CADPS: variants seen among roughly 807,000 people sequenced by gnomAD.
The protein encoded by CADPS is calcium-dependent secretion activator 1.
Under a neutral mutation model 167.3 loss-of-function variants are expected in CADPS, and 57 were observed. The observed-to-expected ratio is 0.34, with a 90% CI of 0.28 to 0.42. The LOEUF is 0.42. Ranked by LOEUF, CADPS falls within the 20% of genes least tolerant of loss-of-function variation. The probability of loss-of-function intolerance (pLI) is 1.00; values close to 1 mark genes in which losing one functional copy is unlikely to be tolerated. For missense variants in CADPS, 1,414 were observed against 1,738.1 expected (o/e 0.81, Z 3.32); for synonymous variants, 676 against 635.3 (o/e 1.06, Z -0.96).
intron 3 of CADPS, among the ~76,000 whole-genome samples, chr3:62,670,695 C>T: frequency 6.6e-6 from 1 of 151,952 alleles, no homozygotes; most frequent in Non-Finnish European, 1.5e-5. Context: ...AAAAAAAACC[C>T]AAACAGAAAA....
chr3:62,540,743 G>A (rs922002994), intron 11 of CADPS, among the ~76,000 whole-genome samples: 7 of 152,082 alleles, frequency 4.6e-5, no homozygotes, highest in South Asian at 2.1e-4. Flanking sequence ...ACTTGTGGGC[G>A]CTTCCCAAGC....
chr3:62,588,876 C>T (rs1461804663), intron 7 of CADPS, among the ~76,000 whole-genome samples: 1 of 151,900 alleles, frequency 6.6e-6, no homozygotes, highest in African/African-American at 2.4e-5. Flanking sequence ...TCCAACTGTG[C>T]TTTTTTTAAA....
intron 18 of CADPS, among the ~76,000 whole-genome samples, chr3:62,495,558 C>T (rs2064570087): frequency 6.6e-6 from 1 of 152,208 alleles, no homozygotes; most frequent in African/African-American, 2.4e-5. Flanking sequence ...CTACTAAATA[C>T]TTACCCAGAG....
chr3:62,599,846 A>G (rs1319192383), intron 6 of CADPS, among the ~76,000 whole-genome samples: 5 of 8,282 alleles, frequency 6.0e-4, no homozygotes, highest in African/African-American at 1.7e-3. Context: ...TATATTATAT[A>G]TATATAATAT....
intron 3 of CADPS, among the ~76,000 whole-genome samples, chr3:62,747,242 A>T (rs1026897527): frequency 1.3e-5 from 2 of 152,230 alleles, no homozygotes; most frequent in Admixed American, 1.3e-4. Flanking sequence ...TCTTCTGTAG[A>T]TATTCAGTGA....
chr3:62,671,701 T>C (rs2150784741), intron 3 of CADPS, among the ~76,000 whole-genome samples: 1 of 152,236 alleles, frequency 6.6e-6, no homozygotes, highest in East Asian at 1.9e-4. Flanking sequence ...ATCCTAATGT[T>C]GAGGCTGCAC....
chr3:62,626,185 G>A lies in CADPS; in HGVS notation c.1325+19537C>T, dbSNP rs74780576. 913 of 195,482 alleles carry A rather than the reference G, an allele frequency of 4.7e-3. 13 individuals are homozygous for A. The highest frequency in any genetic ancestry group is 7.7e-3 in the Non-Finnish European group (748 of 97,548). 12.1% of individuals were successfully genotyped at this position (195,482 alleles called of 1,614,324 possible). ...AAGCTTTCATTGGTATCCCCATTAA[G>A]AATTAACACGTTCACTTGACATTTC... On this transcript the variant is annotated intron_variant, in intron 6 of 29. Coordinates refer to ENST00000383710, the MANE Select transcript of CADPS (RefSeq NM_003716.4).
intron 6 of CADPS, among the ~76,000 whole-genome samples, chr3:62,598,880 T>A (rs1245875532): frequency 1.3e-5 from 2 of 152,214 alleles, no homozygotes; most frequent in Non-Finnish European, 2.9e-5. Flanking sequence ...TGGTGGGACG[T>A]TGGGCCACTC....
In CADPS at chr3:62,797,211, C is replaced by T. The variant is rs539221773; in HGVS notation, c.442-31227G>A. Among the ~76,000 whole-genome samples, 15 of 152,058 alleles carry T rather than the reference C, an allele frequency of 9.9e-5. No individual in the cohort carries two copies. The South Asian group carries it at 3.1e-3, about 32-fold the overall frequency. The stretch of plus-strand genomic sequence containing the variant: ...GAGTGTCCATGAAATAGCCCTTTAA[C>T]CCCATTCTTTTCTTGAGGAATGGCA... On this transcript the variant is annotated intron_variant, in intron 1 of 29. Coordinates refer to ENST00000383710, the MANE Select transcript of CADPS (RefSeq NM_003716.4).
At chr3:62,406,462 C>T (rs1342321614) in intron 28 of CADPS, among the ~76,000 whole-genome samples, 2 of 152,082 alleles carry the variant, frequency 1.3e-5, no homozygotes, top group African/African-American at 2.4e-5. Flanking sequence ...TTTGTTTAGT[C>T]CTTGGTTCAG....
At chr3:62,578,337 G>A (rs1001726456) in intron 8 of CADPS, among the ~76,000 whole-genome samples, 2 of 152,054 alleles carry the variant, frequency 1.3e-5, no homozygotes, top group South Asian at 4.1e-4. Context: ...ACAGCCGGGT[G>A]TGGTGGCTCA....
rs546830106 is a variant in CADPS at position 62,594,355 on chromosome 3, G to A, written c.1326-1607C>T. ...TTTTTGTATTTTTAGTAGAGACGCG[G>A]TTTCACCGTTTTAGCCGGGATGGTC... On this transcript the variant is annotated intron_variant, in intron 6 of 29. Transcript: ENST00000383710. 2.4e-4 allele frequency among the ~76,000 whole-genome samples: 37 copies of A among 151,640 alleles called. No individual in the cohort carries two copies. The East Asian group carries it at 5.6e-3, about 23-fold the overall frequency.
intron 6 of CADPS, 66 bp from the exon 7 acceptor site, chr3:62,592,814 G>A (rs1335411510): frequency 4.1e-6 from 5 of 1,208,942 alleles, no homozygotes; most frequent in African/African-American, 3.0e-5. Flanking sequence ...CTATTCCATT[G>A]TTCCCAGGTC....
chr3:62,673,688 C>T (rs1580170727), intron 3 of CADPS, among the ~76,000 whole-genome samples: 1 of 152,032 alleles, frequency 6.6e-6, no homozygotes. Flanking sequence ...TTTTCATTGC[C>T]ATTCGTTTTT....
At chr3:62,784,576 C>G (rs1296966803) in intron 1 of CADPS, among the ~76,000 whole-genome samples, 1 of 152,144 alleles carries the variant, frequency 6.6e-6, no homozygotes, top group Non-Finnish European at 1.5e-5. Flanking sequence ...AATACTGCCT[C>G]TGAAGTATTC....
At chr3:62,560,641 G>A (rs1453825249) in intron 9 of CADPS, among the ~76,000 whole-genome samples, 1 of 152,208 alleles carries the variant, frequency 6.6e-6, no homozygotes, top group African/African-American at 2.4e-5. Context: ...TGGAATCACA[G>A]GACAGGCCGT....
At chr3:62,672,577 A>G (rs544849675) in intron 3 of CADPS, among the ~76,000 whole-genome samples, 1 of 151,864 alleles carries the variant, frequency 6.6e-6, no homozygotes, top group Admixed American at 6.6e-5. Context: ...AACATGACAT[A>G]CTCTTGCTTG....
At chr3:62,762,557 G>A (rs1212879630) in intron 2 of CADPS, among the ~76,000 whole-genome samples, 1 of 151,410 alleles carries the variant, frequency 6.6e-6, no homozygotes, top group African/African-American at 2.4e-5. Flanking sequence ...ATGGGAGGCT[G>A]AGGAGGGAGG....
intron 5 of CADPS, among the ~76,000 whole-genome samples, chr3:62,648,794 G>A (rs1452111390): frequency 2.0e-5 from 3 of 151,804 alleles, no homozygotes; most frequent in African/African-American, 7.3e-5. Context: ...AGGCAGTAGG[G>A]AATAAATTGA....
Sources: allele counts gnomAD v4.1 joint callset (sites outside exome capture counted in the v4.1 genomes callset), GRCh38; gene constraint gnomAD v4.1.1; transcripts MANE v1.5; gene names NCBI Gene and HGNC (gene_info 2026-07-23, HGNC 2026-07-21).